AFDN: variants seen among roughly 807,000 people sequenced by gnomAD.
The protein encoded by AFDN is afadin.
AFDN carries 68 observed loss-of-function variants against 216.6 expected under a neutral mutation model. The ratio of observed to expected loss-of-function variants is 0.31; its 90% CI spans 0.26 to 0.38. AFDN has a LOEUF of 0.38. AFDN is among the 10% of genes least tolerant of loss of function. AFDN has a pLI of 1.00. For missense variants in AFDN, 2,136 were observed against 2,342.0 expected, an observed-to-expected ratio of 0.91 and a Z score of 1.82; for synonymous variants, 868 against 853.7, an observed-to-expected ratio of 1.02 and a Z score of -0.29.
intron 30 of AFDN, among the ~76,000 whole-genome samples, chr6:167,959,589 G>A (rs1470909015): frequency 6.6e-6 from 1 of 152,160 alleles, no homozygotes; most frequent in Admixed American, 6.5e-5. Context: ...CTTTAACAGA[G>A]TCGTGTTTTC....
intron 5 of AFDN, 25 bp from the exon 6 acceptor site, chr6:167,880,335 C>G: frequency 6.2e-7 from 1 of 1,606,666 alleles, no homozygotes; most frequent in Non-Finnish European, 8.5e-7. Flanking sequence ...AAGTTGTACT[C>G]AAAGATGTCA....
chr6:167,952,335 G>C, intron 30 of AFDN, 148 bp downstream of exon 30: 1 of 1,511,932 alleles, frequency 6.6e-7, no homozygotes, highest in South Asian at 1.4e-5. Flanking sequence ...TGTTACTCTT[G>C]GCTGATGTCG....
intron 22 of AFDN, among the ~76,000 whole-genome samples, chr6:167,924,304 C>G (rs889883642): frequency 6.6e-6 from 1 of 152,102 alleles, no homozygotes; most frequent in African/African-American, 2.4e-5. Context: ...ATTTTGTTTA[C>G]TCTTTGGCGT....
chr6:167,911,453 C>T lies in AFDN; in HGVS notation c.2001C>T (p.Val667=), dbSNP rs1390334340. 2.5e-6 allele frequency: 4 copies of T among 1,614,020 alleles called. No homozygotes were observed. The highest frequency in any genetic ancestry group is 3.4e-6 in the Non-Finnish European group (4 of 1,180,024). ...TERTHKVIAV[V]NKMVSMMEGV... is the part of the protein sequence containing the mutation. The stretch of plus-strand genomic sequence containing the variant: ...GCACACATAAAGTCATTGCAGTCGT[C>T]AACAAGATGGTGAGCATGATGGAGG... The change falls in exon 15 of 34, where the codon GTC becomes GTT. Residue 667 remains valine (V), a synonymous_variant. Coordinates refer to ENST00000683244, the MANE Select transcript of AFDN (RefSeq NM_001386888.1).
rs538679207 is a variant in AFDN at position 167,862,753 on chromosome 6, A to G, written c.106-1798A>G. On this transcript the variant is annotated intron_variant, in intron 1 of 33. Coordinates refer to ENST00000683244, the MANE Select transcript of AFDN (RefSeq NM_001386888.1). ...GGATGTCAGGTTTGCTTTGTTTGTT[A>G]CTTGACCCAGACCAGACTAAGAGGT... is the stretch of plus-strand genomic sequence containing the variant. 5.3e-5 allele frequency among the ~76,000 whole-genome samples: 8 copies of G among 152,328 alleles called. No individual in the cohort carries two copies. In the South Asian group the frequency reaches 8.3e-4, roughly 16 times the overall value.
At chr6:167,843,130 T>A (rs1216378138) in intron 1 of AFDN, among the ~76,000 whole-genome samples, 1 of 152,210 alleles carries the variant, frequency 6.6e-6, no homozygotes, top group Non-Finnish European at 1.5e-5. Flanking sequence ...TGCTCCAGTA[T>A]TCTCTCTTAG....
chr6:167,858,547 G>T (rs1409672565), intron 1 of AFDN, among the ~76,000 whole-genome samples: 1 of 152,192 alleles, frequency 6.6e-6, no homozygotes, highest in Non-Finnish European at 1.5e-5. Context: ...GTCTTTCTCA[G>T]ATTTGGTGAA....
chr6:167,854,471 C>T (rs1023450810), intron 1 of AFDN, among the ~76,000 whole-genome samples: 1 of 151,832 alleles, frequency 6.6e-6, no homozygotes, highest in African/African-American at 2.4e-5. Flanking sequence ...ATTAACATTT[C>T]TTTAATTGAC....
intron 20 of AFDN, 43 bp from the exon 21 acceptor site, chr6:167,918,692 C>A: frequency 6.3e-7 from 1 of 1,579,624 alleles, no homozygotes; most frequent in Non-Finnish European, 8.7e-7. Context: ...ATGCACCAGG[C>A]AGTGAGCATC....
At chr6:167,920,347 A>C (rs370737734) in intron 21 of AFDN, among the ~76,000 whole-genome samples, 1 of 152,188 alleles carries the variant, frequency 6.6e-6, no homozygotes, top group Non-Finnish European at 1.5e-5. Context: ...AAAAAGCCTC[A>C]TGCCACACAC....
In AFDN at chr6:167,941,661, G is replaced by A. The variant is rs1186988143; in HGVS notation, c.3100-1468G>A. Among the ~76,000 whole-genome samples the A allele has an allele frequency of 4.0e-4, 17 of 42,314 alleles. 1 individual carries two copies. Among genetic ancestry groups the A allele is most frequent in the African/African-American group, 1.7e-3 (14 of 8,162 alleles). The allele number at this position is 42,314 out of a possible 152,430, so 27.8% of individuals were successfully genotyped here. On this transcript the variant is annotated intron_variant, in intron 23 of 33. Transcript: ENST00000683244. ...CAGACACAGAGGGATGTAGGGGTGA[G>A]GGTGGAAACCATCCACAGGAGAGAT...
At position 167,889,204 on chromosome 6, in the gene AFDN, T is replaced by C; in HGVS notation, c.898-11T>C. The stretch of plus-strand genomic sequence containing the variant: ...TGGCACATTCATAGTTAATTATTTT[T>C]GTTTTTTTAGGTTATGCTTCCTCCT... On this transcript the variant is annotated splice_polypyrimidine_tract_variant and intron_variant, in intron 6 of 33. Coordinates refer to ENST00000683244, the MANE Select transcript of AFDN (RefSeq NM_001386888.1). The C allele has an allele frequency of 6.3e-7, 1 of 1,591,914 alleles. No individual in the cohort carries two copies. Among genetic ancestry groups the C allele is most frequent in the African/African-American group, 1.3e-5 (1 of 74,458 alleles).
chr6:167,942,432 C>G (rs2128625489), intron 23 of AFDN, among the ~76,000 whole-genome samples: 1 of 152,296 alleles, frequency 6.6e-6, no homozygotes, highest in South Asian at 2.1e-4. Flanking sequence ...ATGCGTAGGA[C>G]TGCTTTCTTT....
chr6:167,944,031 C>G lies in AFDN; in HGVS notation c.3330C>G (p.Leu1110=), dbSNP rs1252065210. The change falls in exon 26 of 34, where the codon CTC becomes CTG. Residue 1110 remains leucine (L), a synonymous_variant. Transcript: ENST00000683244. ...GAIYHGLATL[L]NQPSPMMQRI... ...TCTACCACGGTCTGGCCACCCTTCT[C>G]AATCAGCCATCCCCCATGATGCAGA... is the stretch of plus-strand genomic sequence containing the variant. 2 of 1,613,902 alleles carry G rather than the reference C, an allele frequency of 1.2e-6. No homozygotes were observed. Among genetic ancestry groups the G allele is most frequent in the Non-Finnish European group, 1.7e-6 (2 of 1,179,904 alleles).
At chr6:167,857,549 A>G (rs565966790) in intron 1 of AFDN, among the ~76,000 whole-genome samples, 34 of 152,198 alleles carry the variant, frequency 2.2e-4, no homozygotes, top group Non-Finnish European at 3.5e-4. Flanking sequence ...GGGGTTCTTA[A>G]GTTGAAGTCT....
Position 167,890,855 on chromosome 6 carries a change from GT to G in AFDN, c.1010-5del. On this transcript the variant is annotated splice_region_variant and splice_polypyrimidine_tract_variant and intron_variant, in intron 7 of 33. Transcript: ENST00000683244. ...CTGCCTGATGATTTCCCATGCTGCTGTTCTAGGGATTTTAGTCTTTCAGTTG... is the reference window on the plus strand; with the variant it reads ...CTGCCTGATGATTTCCCATGCTGCTGTCTAGGGATTTTAGTCTTTCAGTTG... The G allele has an allele frequency of 6.2e-7, 1 of 1,612,688 alleles. No homozygotes were observed. The highest frequency in any genetic ancestry group is 8.5e-7 in the Non-Finnish European group (1 of 1,179,354).
chr6:167,969,916 A>G lies in AFDN; in HGVS notation c.5477A>G (p.Asn1826Ser). Residue 1826 changes from asparagine (N) to serine (S), a missense_variant, in exon 34 of 34, where the codon AAT (asparagine) becomes AGT (serine). Around this residue, in one of 8 missense-constraint regions of AFDN, gnomAD observed 981 missense variants for 966.0 expected, o/e 1.02. Coordinates refer to ENST00000683244, the MANE Select transcript of AFDN (RefSeq NM_001386888.1). ...TCTCGTAAATTAACAGAACTGGAGA[A>G]TGAACTGAACACAAAGTGAAAGAAA... ...KASRKLTELE[N>S]ELNTK The G allele has an allele frequency of 6.2e-7, 1 of 1,609,774 alleles. No individual in the cohort carries two copies. Among genetic ancestry groups the G allele is most frequent in the East Asian group, 2.2e-5 (1 of 44,754 alleles).
Position 167,892,953 on chromosome 6 carries a change from T to C in AFDN, c.1178-909T>C, listed in dbSNP as rs150616017. Among the ~76,000 whole-genome samples the C allele has an allele frequency of 1.8e-4, 27 of 152,288 alleles. 1 individual carries two copies. In the East Asian group the frequency reaches 3.9e-3, roughly 22 times the overall value. On this transcript the variant is annotated intron_variant, in intron 8 of 33. Coordinates refer to ENST00000683244, the MANE Select transcript of AFDN (RefSeq NM_001386888.1). ...CCTTCAGTCAGCATTCACTGACCCT[T>C]CTACTTTAGGCAAAACAATGGATAC...
At chr6:167,843,108 G>T (rs1282235097) in intron 1 of AFDN, among the ~76,000 whole-genome samples, 14 of 152,144 alleles carry the variant, frequency 9.2e-5, no homozygotes, top group Non-Finnish European at 1.5e-4. Context: ...ACAAAGTTGG[G>T]ATTTGACTTA....
Sources: allele counts gnomAD v4.1 joint callset (sites outside exome capture counted in the v4.1 genomes callset), GRCh38; gene constraint gnomAD v4.1.1; regional missense constraint gnomAD v4.1.1; transcripts MANE v1.5; gene names NCBI Gene and HGNC (gene_info 2026-07-23, HGNC 2026-07-21).